Variants in FRMPD1 observed in about 807,000 individuals in gnomAD.
FRMPD1 encodes FERM and PDZ domain-containing protein 1.
Under a neutral mutation model 117.8 loss-of-function variants are expected in FRMPD1, and 76 were observed. The observed-to-expected ratio is 0.65, with a 90% CI of 0.54 to 0.78. The LOEUF (loss-of-function observed/expected upper bound fraction) is 0.78. Ranked by LOEUF, FRMPD1 falls within the 30% of genes least tolerant of loss-of-function variation. The pLI, the probability that FRMPD1 is intolerant of heterozygous loss-of-function variation, is 0.00. For missense variants in FRMPD1, 1,786 were observed against 1,964.5 expected, an observed-to-expected ratio of 0.91 and a Z score of 1.72; for synonymous variants, 783 against 770.4, an observed-to-expected ratio of 1.02 and a Z score of -0.27.
At chr9:37,714,557 C>T (rs1427029894) in intron 5 of FRMPD1, among the ~76,000 whole-genome samples, 1 of 151,828 alleles carries the variant, frequency 6.6e-6, no homozygotes, top group Non-Finnish European at 1.5e-5. Context: ...GGGCCTCTCA[C>T]CAGAACTGCT....
At chr9:37,704,082 C>G (rs1412654668) in intron 2 of FRMPD1, among the ~76,000 whole-genome samples, 1 of 152,186 alleles carries the variant, frequency 6.6e-6, no homozygotes, top group Non-Finnish European at 1.5e-5. Flanking sequence ...AACTTCCAGA[C>G]ACTTAAAGGA....
chr9:37,669,765 G>A (rs1431028332), intron 1 of FRMPD1: 16 of 152,090 alleles, frequency 1.1e-4, no homozygotes, highest in African/African-American at 3.4e-4. Flanking sequence ...AGGCCGAGGC[G>A]GGTGGATCAC....
the FRMPD1 span, among the ~76,000 whole-genome samples, chr9:37,605,878 T>C: frequency 6.6e-6 from 1 of 151,962 alleles, no homozygotes; most frequent in Non-Finnish European, 1.5e-5. Context: ...GGGTAGTTTT[T>C]AAATTTTATG....
chr9:37,731,279 G>A (rs1208707973), intron 9 of FRMPD1, among the ~76,000 whole-genome samples, 176 bp downstream of exon 9: 1 of 152,204 alleles, frequency 6.6e-6, no homozygotes, highest in Admixed American at 6.6e-5. Flanking sequence ...CTGAGTTGCT[G>A]TTTTAGCAGG....
At chr9:37,616,400 A>T in the FRMPD1 span, among the ~76,000 whole-genome samples, 1 of 152,156 alleles carries the variant, frequency 6.6e-6, no homozygotes, top group Non-Finnish European at 1.5e-5. Context: ...TACAGGCATG[A>T]GCCACTGCGC....
Position 37,745,310 on chromosome 9 carries a change from A to G in FRMPD1, c.3278A>G (p.Glu1093Gly). The G allele has an allele frequency of 1.2e-6, 2 of 1,611,352 alleles. No homozygotes were observed. The highest frequency in any genetic ancestry group is 1.7e-6 in the Non-Finnish European group (2 of 1,177,426). Residue 1093 changes from glutamate to glycine, a missense_variant, in exon 16 of 16, where the codon GAG becomes GGG. Transcript: ENST00000377765. ...GATGAATGTGGAATAAATCCAGGAG[A>G]GAAGATAGCTTCTATCCCTACAAAG... ...RSDECGINPG[E>G]KIASIPTKEE...
chr9:37,708,402 G>T lies in FRMPD1; in HGVS notation c.263G>T (p.Gly88Val), dbSNP rs142593632. ...PLTVVAVTAG[G>V]SAHGKLFPGD... ...TTACTTATTTTCTGTCCAACAGGAG[G>T]CTCTGCTCACGGCAAGCTTTTCCCT... is the stretch of plus-strand genomic sequence containing the variant. The change falls in exon 4 of 16, where the codon GGC becomes GTC. Residue 88 changes from glycine to valine, a missense_variant. Gly to Val is a moderately radical substitution (Grantham distance 109). Transcript: ENST00000377765. 3.5e-4 allele frequency: 554 copies of T among 1,599,620 alleles called. No individual in the cohort carries two copies. The highest frequency in any genetic ancestry group is 4.6e-4 in the Non-Finnish European group (541 of 1,167,024).
chr9:37,746,614 G>C lies in FRMPD1; in HGVS notation c.4582G>C (p.Val1528Leu). The C allele has an allele frequency of 1.2e-6, 2 of 1,614,094 alleles. No individual in the cohort carries two copies. The highest frequency in any genetic ancestry group is 1.7e-6 in the Non-Finnish European group (2 of 1,179,982). ...REAAGNLRDV[V>L]YTYHQFIEAA... ...GGCAGCGGGGAACCTGAGGGATGTG[G>C]TGTACACCTACCATCAGTTTATAGA... Residue 1528 changes from valine (V) to leucine (L), a missense_variant, in exon 16 of 16, where the codon GTG (valine) becomes CTG (leucine). By Grantham distance (32) the Val-to-Leu change is conservative. Coordinates refer to ENST00000377765, the MANE Select transcript of FRMPD1 (RefSeq NM_014907.3).
chr9:37,737,058 G>C, intron 13 of FRMPD1, 38 bp from the exon 14 acceptor site: 1 of 1,569,490 alleles, frequency 6.4e-7, no homozygotes, highest in Non-Finnish European at 8.8e-7. Context: ...CTGTCCCTTG[G>C]TCCTTGATAA....
At chr9:37,677,942 C>A (rs1422350278) in intron 1 of FRMPD1, among the ~76,000 whole-genome samples, 1 of 152,174 alleles carries the variant, frequency 6.6e-6, no homozygotes, top group Non-Finnish European at 1.5e-5. Flanking sequence ...ATCTCAGTGT[C>A]CCCCACAGCC....
At chr9:37,677,228 C>T (rs901843744) in intron 1 of FRMPD1, among the ~76,000 whole-genome samples, 9 of 152,174 alleles carry the variant, frequency 5.9e-5, no homozygotes, top group East Asian at 5.8e-4. Flanking sequence ...AAGAGTTCTG[C>T]GAGGCATGTC....
At chr9:37,698,520 C>T (rs866638436) in intron 2 of FRMPD1, among the ~76,000 whole-genome samples, 5 of 138,824 alleles carry the variant, frequency 3.6e-5, no homozygotes, top group East Asian at 2.3e-4. Context: ...AAATTACTTA[C>T]GTTACAATAG....
At chr9:37,643,683 G>T in the FRMPD1 span, among the ~76,000 whole-genome samples, 1 of 152,154 alleles carries the variant, frequency 6.6e-6, no homozygotes, top group East Asian at 1.9e-4. Flanking sequence ...TCAAGCTATT[G>T]ACTCCCTTTA....
intron 4 of FRMPD1, among the ~76,000 whole-genome samples, chr9:37,709,559 A>T (rs1210209534): frequency 6.6e-6 from 1 of 152,164 alleles, no homozygotes; most frequent in East Asian, 1.9e-4. Flanking sequence ...CATCTCAAAA[A>T]AAGAGAGAAA....
At chr9:37,736,973 C>T in intron 13 of FRMPD1, 123 bp from the exon 14 acceptor site, 1 of 718,442 alleles carries the variant, frequency 1.4e-6, no homozygotes, top group Middle Eastern at 2.5e-4. Context: ...CACCAGGAGA[C>T]CTACCTGTGG....
chr9:37,659,189 T>G (rs1453358680), intron 1 of FRMPD1, among the ~76,000 whole-genome samples: 2 of 152,178 alleles, frequency 1.3e-5, no homozygotes, highest in African/African-American at 4.8e-5. Flanking sequence ...CTTTTTAGGG[T>G]GGCCGCCATT....
rs751204891 is a variant in FRMPD1 at position 37,740,793 on chromosome 9, C to T, written c.2265C>T (p.Ala755=). Reference sequence around the variant, plus strand: ...CCAGTTCCATGCTGGAACCCCTGGCCCTGCACCCACCACTGGCCTTTGAGG... The same window carrying T: ...CCAGTTCCATGCTGGAACCCCTGGCTCTGCACCCACCACTGGCCTTTGAGG... The part of the protein sequence containing the change: ...AQPSSMLEPL[A]LHPPLAFEDG... The change falls in exon 15 of 16, where the codon GCC becomes GCT. Residue 755 remains alanine (A), a synonymous_variant. Transcript: ENST00000377765. The surrounding 1 kb of genome is among the most constrained non-coding windows in gnomAD (Gnocchi z 4.2). 1.9e-6 allele frequency: 3 copies of T among 1,614,082 alleles called. No individual in the cohort carries two copies. The South Asian group carries it at 3.3e-5, about 18-fold the overall frequency.
chr9:37,700,952 T>C (rs549073628), intron 2 of FRMPD1, among the ~76,000 whole-genome samples: 2 of 152,334 alleles, frequency 1.3e-5, no homozygotes, highest in East Asian at 3.9e-4. Flanking sequence ...AGAGATCATT[T>C]CCTTTAGCTT....
intron 2 of FRMPD1, among the ~76,000 whole-genome samples, chr9:37,700,437 A>G (rs1822491050): frequency 6.6e-6 from 1 of 152,244 alleles, no homozygotes; most frequent in Non-Finnish European, 1.5e-5. Context: ...TACCAGATTT[A>G]GCTTTTAAAA....
Sources: gnomAD v4.1 joint callset for allele counts (sites outside exome capture counted in the v4.1 genomes callset) on GRCh38, gnomAD v4.1.1 for gene constraint, Gnocchi (gnomAD v3.1) non-coding constraint, MANE v1.5 for transcripts, NCBI Gene and HGNC (gene_info 2026-07-23, HGNC 2026-07-21) for gene names.